Variants in TAFA2 observed in about 807,000 individuals in gnomAD.
The protein encoded by TAFA2 is TAFA chemokine like family member 2.
A neutral mutation model predicts 18.8 loss-of-function variants in TAFA2; 7 were observed. That is an observed-to-expected ratio of 0.37 (90% confidence interval 0.21 to 0.70). The LOEUF (loss-of-function observed/expected upper bound fraction) is 0.70. Among genes scored for constraint, TAFA2 ranks in the 30% least tolerant of loss-of-function variants. TAFA2 has a pLI of 0.53. For missense variants in TAFA2, 122 were observed against 158.1 expected, an observed-to-expected ratio of 0.77 and a Z score of 1.23; for synonymous variants, 60 against 54.2, an observed-to-expected ratio of 1.11 and a Z score of -0.47.
At chr12:61,826,411 C>T (rs1872539289) in intron 2 of TAFA2, among the ~76,000 whole-genome samples, 1 of 151,358 alleles carries the variant, frequency 6.6e-6, no homozygotes, top group African/African-American at 2.4e-5. Flanking sequence ...TGTAAAATAG[C>T]TGGCAAAGTG....
chr12:61,752,788 C>T (rs1869080817), intron 4 of TAFA2, among the ~76,000 whole-genome samples: 1 of 151,870 alleles, frequency 6.6e-6, no homozygotes, highest in Non-Finnish European at 1.5e-5. Context: ...TGTAAATTAG[C>T]CAGTCTCTAC....
chr12:61,939,420 G>A (rs1250191769), intron 1 of TAFA2, among the ~76,000 whole-genome samples: 3 of 151,646 alleles, frequency 2.0e-5, no homozygotes, highest in Non-Finnish European at 2.9e-5. Flanking sequence ...GTGTATCTTT[G>A]GTTTATTGGC....
At chr12:62,062,533 C>T (rs781781649) in intron 1 of TAFA2, among the ~76,000 whole-genome samples, 2 of 152,154 alleles carry the variant, frequency 1.3e-5, no homozygotes, top group Non-Finnish European at 2.9e-5. Context: ...AGGTCCAATC[C>T]CACTACCTCC....
intron 1 of TAFA2, among the ~76,000 whole-genome samples, chr12:61,993,811 A>T (rs1217790756): frequency 2.6e-5 from 4 of 152,110 alleles, no homozygotes; most frequent in Non-Finnish European, 5.9e-5. Context: ...TGTTCGTGGG[A>T]TGTTTATTTG....
At chr12:62,186,813 A>T (rs2062589097) in intron 1 of TAFA2, among the ~76,000 whole-genome samples, 1 of 152,190 alleles carries the variant, frequency 6.6e-6, no homozygotes, top group Admixed American at 6.5e-5. Context: ...TATTCTTCTT[A>T]CAGCTTAAAT....
intron 1 of TAFA2, among the ~76,000 whole-genome samples, chr12:61,896,556 C>T (rs539642600): frequency 6.6e-6 from 1 of 152,314 alleles, no homozygotes; most frequent in African/African-American, 2.4e-5. Flanking sequence ...CCTTGCCATT[C>T]TCTGTGCTTA....
chr12:61,895,477 G>A (rs192763940), intron 1 of TAFA2, among the ~76,000 whole-genome samples: 5 of 152,164 alleles, frequency 3.3e-5, no homozygotes, highest in Non-Finnish European at 7.4e-5. Flanking sequence ...GATACTCCAG[G>A]CTCTTATGGC....
chr12:62,194,835 T>A (rs2062642447), upstream of TAFA2, among the ~76,000 whole-genome samples: 1 of 152,246 alleles, frequency 6.6e-6, no homozygotes, highest in South Asian at 2.1e-4. Context: ...TCACACAATT[T>A]TTTTGGTTTC....
At position 61,766,528 on chromosome 12, in the gene TAFA2, C is replaced by T. The variant is rs144870418; in HGVS notation, c.107-11504G>A. On this transcript the variant is annotated intron_variant, in intron 2 of 4. Coordinates refer to ENST00000416284, the MANE Select transcript of TAFA2 (RefSeq NM_178539.5). ...AGCCCGTTAGGTAGACTGAACCATTCCCTGCTCTGATTAACAATTTCTTAC... is the reference window on the plus strand; with the variant it reads ...AGCCCGTTAGGTAGACTGAACCATTTCCTGCTCTGATTAACAATTTCTTAC... 4.7e-4 allele frequency among the ~76,000 whole-genome samples: 72 copies of T among 152,192 alleles called. 1 individual carries two copies. Among genetic ancestry groups the T allele is most frequent in the African/African-American group, 1.7e-3 (69 of 41,560 alleles).
chr12:61,886,670 A>G (rs1464474218), intron 1 of TAFA2, among the ~76,000 whole-genome samples: 1 of 152,186 alleles, frequency 6.6e-6, no homozygotes, highest in Admixed American at 6.5e-5. Flanking sequence ...TTGATCACTA[A>G]GGGCTTACAG....
chr12:61,909,323 A>C (rs1343041048), intron 1 of TAFA2, among the ~76,000 whole-genome samples: 1 of 152,190 alleles, frequency 6.6e-6, no homozygotes, highest in Non-Finnish European at 1.5e-5. Context: ...GACTCTTCTC[A>C]GGGGCAAAGA....
chr12:61,895,261 G>A (rs983711010), intron 1 of TAFA2, among the ~76,000 whole-genome samples: 2 of 152,126 alleles, frequency 1.3e-5, no homozygotes, highest in Non-Finnish European at 2.9e-5. Context: ...TGAGAAAAAT[G>A]AGACATAGCC....
chr12:62,071,086 G>C (rs750230289), intron 1 of TAFA2, among the ~76,000 whole-genome samples: 2 of 152,184 alleles, frequency 1.3e-5, no homozygotes, highest in Non-Finnish European at 2.9e-5. Flanking sequence ...ACACAGTTCT[G>C]AGTACTGTGA....
intron 1 of TAFA2, among the ~76,000 whole-genome samples, chr12:62,118,484 T>A (rs1870057074): frequency 6.6e-6 from 1 of 152,226 alleles, no homozygotes; most frequent in South Asian, 2.1e-4. Context: ...TTATTGGATA[T>A]CTAGGAGTAT....
intron 1 of TAFA2, among the ~76,000 whole-genome samples, chr12:62,245,602 AAT>A (rs1400991663): frequency 1.3e-5 from 2 of 148,270 alleles, no homozygotes; most frequent in African/African-American, 4.9e-5. Context: ...TTTTCTATGT[AAT>A]ACATATAAAT....
chr12:61,816,235 C>T (rs907530678), intron 2 of TAFA2, among the ~76,000 whole-genome samples: 1 of 151,238 alleles, frequency 6.6e-6, no homozygotes, highest in East Asian at 1.9e-4. Context: ...TTCATGAGTT[C>T]TCATCATTAG....
chr12:62,147,318 GTATGTATGTATATATATA>G (rs1380263932), intron 1 of TAFA2, among the ~76,000 whole-genome samples: 2,003 of 87,570 alleles, frequency 0.023, 126 homozygotes, highest in African/African-American at 0.091. Flanking sequence ...GTGTGTGTGT[GTATGTATGTATATATATA>G]TATATATATA....
At position 61,798,322 on chromosome 12, in the gene TAFA2, TTTTA is replaced by T. The variant is rs546667030; in HGVS notation, c.107-43302_107-43299del. Among the ~76,000 whole-genome samples, 485 of 152,232 alleles carry T rather than the reference TTTTA, an allele frequency of 3.2e-3. 2 individuals carry two copies. The highest frequency in any genetic ancestry group is 0.01 in the Middle Eastern group (3 of 292). ...TGATTCCAGGGCCACCTGGACTTTA[TTTTA>T]TTTATTTTTTATTTATTATACTTTA... On this transcript the variant is annotated intron_variant, in intron 2 of 4. Coordinates refer to ENST00000416284, the MANE Select transcript of TAFA2 (RefSeq NM_178539.5).
At chr12:61,923,985 C>G (rs1877169456) in intron 1 of TAFA2, among the ~76,000 whole-genome samples, 1 of 149,982 alleles carries the variant, frequency 6.7e-6, no homozygotes, top group Non-Finnish European at 1.5e-5. Flanking sequence ...GAAAGGATAT[C>G]AGAGATTGAA....
Sources: gnomAD v4.1 joint callset for allele counts (sites outside exome capture counted in the v4.1 genomes callset) on GRCh38, gnomAD v4.1.1 for gene constraint, MANE v1.5 for transcripts, NCBI Gene and HGNC (gene_info 2026-07-23, HGNC 2026-07-21) for gene names.